PRKCE: variants seen among roughly 807,000 people sequenced by gnomAD.
PRKCE encodes the protein protein kinase C epsilon.
In PRKCE, 16 loss-of-function variants were observed where a neutral mutation model predicts 85.4. The observed-to-expected ratio is 0.19, with a 90% CI of 0.13 to 0.28. The LOEUF (loss-of-function observed/expected upper bound fraction) is 0.28, where lower values mean the gene tolerates loss of function less well. Ranked by LOEUF, PRKCE falls within the 10% of genes least tolerant of loss-of-function variation. The probability of loss-of-function intolerance (pLI) is 1.00; values close to 1 mark genes in which losing one functional copy is unlikely to be tolerated. For synonymous variants in PRKCE, 388 were observed against 371.5 expected (o/e 1.04, Z -0.51); for missense variants, 573 against 975.2 (o/e 0.59, Z 5.49).
chr2:46,075,753 T>C (rs1016779391), intron 10 of PRKCE, among the ~76,000 whole-genome samples: 3 of 152,096 alleles, frequency 2.0e-5, no homozygotes, highest in African/African-American at 4.8e-5. Context: ...TGTCTCTAAA[T>C]AAATAGATAA....
At chr2:45,713,324 A>G (rs1337258315) in intron 1 of PRKCE, among the ~76,000 whole-genome samples, 1 of 152,178 alleles carries the variant, frequency 6.6e-6, no homozygotes, top group African/African-American at 2.4e-5. Context: ...AGGGTGGCTA[A>G]TAATGTGTAT....
chr2:45,958,628 C>T (rs1423067238), intron 2 of PRKCE, among the ~76,000 whole-genome samples: 1 of 150,128 alleles, frequency 6.7e-6, no homozygotes, highest in Non-Finnish European at 1.5e-5. Flanking sequence ...ACCCCCTATG[C>T]TCCCTGCCAT....
chr2:46,003,804 G>A (rs1200044715), intron 7 of PRKCE: 1 of 152,312 alleles, frequency 6.6e-6, no homozygotes, highest in Non-Finnish European at 1.5e-5. Flanking sequence ...GAAGTCTCTT[G>A]TTTTCTTCCC....
intron 11 of PRKCE, among the ~76,000 whole-genome samples, chr2:46,124,446 G>T (rs761410899): frequency 3.7e-4 from 57 of 152,174 alleles, no homozygotes; most frequent in Non-Finnish European, 5.6e-4. Flanking sequence ...AATCTATAGA[G>T]AATTTTCTCT....
At chr2:45,882,890 A>C (rs72801089) in intron 2 of PRKCE, among the ~76,000 whole-genome samples, 4,525 of 152,370 alleles carry the variant, frequency 0.03, 94 homozygotes, top group Middle Eastern at 0.058. Flanking sequence ...GGCTCCCTGC[A>C]AAAGGACTTG....
At chr2:45,948,489 A>C (rs1303823908) in intron 2 of PRKCE, among the ~76,000 whole-genome samples, 3 of 152,142 alleles carry the variant, frequency 2.0e-5, no homozygotes, top group African/African-American at 7.2e-5. Flanking sequence ...AATATTTAAA[A>C]ATTAGCTGGC....
At chr2:45,726,219 C>A (rs953253597) in intron 1 of PRKCE, among the ~76,000 whole-genome samples, 4 of 152,170 alleles carry the variant, frequency 2.6e-5, no homozygotes, top group Admixed American at 6.5e-5. Context: ...AAAGCAGCAG[C>A]AAGGTTTGAG....
rs1676014497 is a variant in PRKCE at position 46,145,772 on chromosome 2, G to A, written c.1731+541G>A. On this transcript the variant is annotated intron_variant, in intron 12 of 14. Transcript: ENST00000306156. The surrounding 1 kb of genome is among the most constrained non-coding windows in gnomAD (Gnocchi z 4.6). Reference sequence around the variant, plus strand: ...AGTCCCAGCTACTTGGGAGGCTGAGGTGAAAGGATCAATTGAGCCCAGAAG... The same window carrying A: ...AGTCCCAGCTACTTGGGAGGCTGAGATGAAAGGATCAATTGAGCCCAGAAG... 1.3e-5 allele frequency among the ~76,000 whole-genome samples: 2 copies of A among 152,080 alleles called. No homozygotes were observed. The highest frequency in any genetic ancestry group is 2.1e-4 in the South Asian group (1 of 4,818).
intron 11 of PRKCE, among the ~76,000 whole-genome samples, chr2:46,086,763 T>G (rs1236759651): frequency 6.6e-6 from 1 of 152,182 alleles, no homozygotes; most frequent in African/African-American, 2.4e-5. Flanking sequence ...TTCCTGAGTT[T>G]GTTTGGCTTA....
At chr2:45,657,922 C>T (rs369885844) in intron 1 of PRKCE, among the ~76,000 whole-genome samples, 45 of 152,308 alleles carry the variant, frequency 3.0e-4, no homozygotes, top group African/African-American at 1.1e-3. Flanking sequence ...TCTGATGCCC[C>T]GAATGGAGCC....
intron 2 of PRKCE, among the ~76,000 whole-genome samples, chr2:45,937,844 G>A (rs893775248): frequency 6.6e-6 from 1 of 152,188 alleles, no homozygotes; most frequent in African/African-American, 2.4e-5. Flanking sequence ...ACTCTGGAAG[G>A]TAGATATTAT....
At chr2:46,024,416 C>A (rs1048020952) in intron 10 of PRKCE, among the ~76,000 whole-genome samples, 5 of 151,600 alleles carry the variant, frequency 3.3e-5, no homozygotes, top group Non-Finnish European at 7.4e-5. Flanking sequence ...CAGGAAGGAT[C>A]ATGGGCAAAA....
chr2:45,951,764 C>T (rs1010681928), intron 2 of PRKCE, among the ~76,000 whole-genome samples: 15 of 152,220 alleles, frequency 9.9e-5, no homozygotes, highest in Admixed American at 7.9e-4. Context: ...GATCAAAGCA[C>T]GAGTGAGTGG....
chr2:45,656,137 A>G (rs1675369911), intron 1 of PRKCE, among the ~76,000 whole-genome samples: 1 of 152,194 alleles, frequency 6.6e-6, no homozygotes, highest in African/African-American at 2.4e-5. Context: ...CTGTGCTTTC[A>G]TTTACTTAAT....
chr2:45,862,685 G>T (rs1020264309), intron 2 of PRKCE, among the ~76,000 whole-genome samples: 18 of 152,162 alleles, frequency 1.2e-4, no homozygotes, highest in Admixed American at 2.0e-4. Context: ...GTCACAATGC[G>T]CAGGGCTTTG....
At chr2:45,994,900 C>A (rs996205379) in intron 6 of PRKCE, among the ~76,000 whole-genome samples, 6 of 152,166 alleles carry the variant, frequency 3.9e-5, no homozygotes, top group Non-Finnish European at 8.8e-5. Flanking sequence ...TGCATTCCTA[C>A]CAGCAATGAA....
intron 1 of PRKCE, among the ~76,000 whole-genome samples, chr2:45,708,525 G>A (rs1021773450): frequency 2.0e-5 from 3 of 152,210 alleles, no homozygotes; most frequent in Non-Finnish European, 4.4e-5. Flanking sequence ...CTCTCTCTTT[G>A]ACTGCTGTTG....
chr2:46,114,813 G>T (rs1296281999), intron 11 of PRKCE, among the ~76,000 whole-genome samples: 2 of 152,138 alleles, frequency 1.3e-5, no homozygotes, highest in Non-Finnish European at 2.9e-5. Context: ...CTAATATACT[G>T]ATGTGAGTTT....
At chr2:45,891,886 G>A (rs187653601) in intron 2 of PRKCE, among the ~76,000 whole-genome samples, 1 of 152,300 alleles carries the variant, frequency 6.6e-6, no homozygotes, top group Admixed American at 6.5e-5. Context: ...AGAATCTCTT[G>A]TACAGACTTG....
Sources: allele counts gnomAD v4.1 joint callset (sites outside exome capture counted in the v4.1 genomes callset), GRCh38; gene constraint gnomAD v4.1.1; non-coding constraint Gnocchi (gnomAD v3.1); transcripts MANE v1.5; gene names NCBI Gene and HGNC (gene_info 2026-07-23, HGNC 2026-07-21).